The following LRRC37A2 variants were observed in gnomAD, a reference collection of about 807,000 sequenced individuals.
LRRC37A2 encodes the protein leucine rich repeat containing 37 member A2.
In LRRC37A2, 9 loss-of-function variants were observed where a neutral mutation model predicts 68.8. The ratio of observed to expected loss-of-function variants is 0.13; its 90% CI spans 0.08 to 0.23. The LOEUF (loss-of-function observed/expected upper bound fraction) is 0.23. LRRC37A2 is among the 10% of genes least tolerant of loss of function. The probability of loss-of-function intolerance (pLI) is 1.00; values close to 1 mark genes in which losing one functional copy is unlikely to be tolerated. For missense variants in LRRC37A2, 168 were observed against 950.4 expected, an observed-to-expected ratio of 0.18 and a Z score of 10.82; for synonymous variants, 63 against 367.6, an observed-to-expected ratio of 0.17 and a Z score of 9.48.
the LRRC37A2 span, among the ~76,000 whole-genome samples, chr17:46,819,066 T>G: frequency 3.9e-5 from 6 of 152,096 alleles, no homozygotes; most frequent in African/African-American, 1.4e-4. This position sits in a 1 kb window ranked among gnomAD's most constrained non-coding sequence, Gnocchi z 5.3. Flanking sequence ...AACGGGTGGC[T>G]CCTTTGCTGG....
chr17:46,923,158 C>A, the LRRC37A2 span: 2 of 1,397,830 alleles, frequency 1.4e-6, no homozygotes, highest in Non-Finnish European at 9.9e-7. Flanking sequence ...TCCGAGGAAG[C>A]CAGAGCCGGA....
At chr17:47,048,240 C>A in the LRRC37A2 span, among the ~76,000 whole-genome samples, 2 of 151,240 alleles carry the variant, frequency 1.3e-5, no homozygotes, top group Admixed American at 1.3e-4. Flanking sequence ...TTCTCACAAT[C>A]TTTACTTCTT....
the LRRC37A2 span, among the ~76,000 whole-genome samples, chr17:46,740,597 G>A: frequency 1.3e-4 from 20 of 152,112 alleles, no homozygotes; most frequent in African/African-American, 4.8e-4. Context: ...GAGAGAGCAT[G>A]CACAGAACCC....
the LRRC37A2 span, chr17:47,007,929 C>G: frequency 2.0e-5 from 3 of 152,144 alleles, no homozygotes; most frequent in Admixed American, 6.5e-5. Flanking sequence ...TTACACATTA[C>G]TCTTAAATTT....
chr17:46,936,625 T>G, the LRRC37A2 span: 14 of 985,316 alleles, frequency 1.4e-5, no homozygotes, highest in Non-Finnish European at 1.7e-5. Context: ...TGGGGCCAAT[T>G]TGTGGCTGAA....
chr17:46,833,209 G>T, the LRRC37A2 span: 467 of 397,674 alleles, frequency 1.2e-3, 7 homozygotes, highest in South Asian at 8.5e-3. Flanking sequence ...TCAGCAAACC[G>T]GGAAGCAGCA....
At chr17:46,940,785 T>A in the LRRC37A2 span, 2 of 1,508,512 alleles carry the variant, frequency 1.3e-6, no homozygotes, top group African/African-American at 2.8e-5. Context: ...GAATAAAAAT[T>A]GCAGAGGTGG....
the LRRC37A2 span, among the ~76,000 whole-genome samples, chr17:46,893,663 G>C: frequency 9.2e-5 from 14 of 152,224 alleles, no homozygotes; most frequent in African/African-American, 3.4e-4. Context: ...ACTATGGGGA[G>C]ATGTAAGAAC....
the LRRC37A2 span, among the ~76,000 whole-genome samples, chr17:46,898,052 A>G: frequency 1.3e-5 from 2 of 152,136 alleles, no homozygotes; most frequent in African/African-American, 2.4e-5. Context: ...AGGAGGTTGT[A>G]TGAATGTTCC....
At chr17:46,968,199 G>GT in the LRRC37A2 span, among the ~76,000 whole-genome samples, 1 of 152,180 alleles carries the variant, frequency 6.6e-6, no homozygotes, top group Non-Finnish European at 1.5e-5. Flanking sequence ...ATACCTCTGA[G>GT]TAAGGAACCA....
the LRRC37A2 span, among the ~76,000 whole-genome samples, chr17:46,905,780 T>TTGTGTGTGTGTGTG: frequency 3.3e-4 from 39 of 117,046 alleles, no homozygotes; most frequent in African/African-American, 1.2e-3. Flanking sequence ...CTCTGTGTGT[T>TTGTGTGTGTGTGTG]TGTGTGTGTG....
the LRRC37A2 span, chr17:47,018,333 G>A: frequency 1.2e-6 from 2 of 1,611,504 alleles, no homozygotes; most frequent in South Asian, 1.1e-5. Flanking sequence ...GACCCAGCAG[G>A]AGACCCCAGG....
chr17:47,036,503 T>C, the LRRC37A2 span, among the ~76,000 whole-genome samples: 1 of 152,250 alleles, frequency 6.6e-6, no homozygotes, highest in Non-Finnish European at 1.5e-5. Flanking sequence ...ATATTTTGCA[T>C]CAATTCTTAT....
the LRRC37A2 span, among the ~76,000 whole-genome samples, chr17:46,779,103 A>ACACACACCCC: frequency 3.3e-4 from 44 of 133,656 alleles, no homozygotes; most frequent in Middle Eastern, 7.4e-3. Context: ...ACACACACAC[A>ACACACACCCC]CCCCAGCCCA....
At chr17:46,726,715 C>A in the LRRC37A2 span, 1 of 1,011,380 alleles carries the variant, frequency 9.9e-7, no homozygotes, top group Non-Finnish European at 1.6e-6. Context: ...AACTGTAAAG[C>A]AATAGAAATA....
At chr17:46,844,905 T>C in the LRRC37A2 span, among the ~76,000 whole-genome samples, 3 of 152,000 alleles carry the variant, frequency 2.0e-5, no homozygotes, top group Non-Finnish European at 2.9e-5. Context: ...TGGAGTGCAA[T>C]GGTGGGATCT....
chr17:46,966,506 C>G, the LRRC37A2 span: 5 of 685,566 alleles, frequency 7.3e-6, no homozygotes, highest in Non-Finnish European at 1.1e-5. Context: ...CCCCACCACA[C>G]CCGATTAATT....
At chr17:46,987,920 C>T in the LRRC37A2 span, among the ~76,000 whole-genome samples, 1 of 152,170 alleles carries the variant, frequency 6.6e-6, no homozygotes, top group South Asian at 2.1e-4. Context: ...GCCTGTAATC[C>T]CAGCACTTTG....
chr17:46,956,627 G>T, the LRRC37A2 span, among the ~76,000 whole-genome samples: 2 of 152,102 alleles, frequency 1.3e-5, no homozygotes, highest in African/African-American at 4.8e-5. Flanking sequence ...TATTTCTCTT[G>T]TCCCTTGATG....
Sources: allele counts gnomAD v4.1 joint callset (sites outside exome capture counted in the v4.1 genomes callset), GRCh38; gene constraint gnomAD v4.1.1; non-coding constraint Gnocchi (gnomAD v3.1); transcripts MANE v1.5; gene names NCBI Gene and HGNC (gene_info 2026-07-23, HGNC 2026-07-21).